Variants in ARHGAP24 observed in about 807,000 individuals in gnomAD.
ARHGAP24 encodes Rho GTPase activating protein 24, also known as rho GTPase-activating protein 24.
In ARHGAP24, 50 loss-of-function variants were observed where a neutral mutation model predicts 76.4. That is an observed-to-expected ratio of 0.65 (90% confidence interval 0.52 to 0.83). ARHGAP24 has a LOEUF of 0.83. Ranked by LOEUF, ARHGAP24 falls within the 40% of genes least tolerant of loss-of-function variation. The pLI is 0.00. For missense variants in ARHGAP24, 930 were observed against 914.2 expected (o/e 1.02, Z -0.22); for synonymous variants, 345 against 323.3 (o/e 1.07, Z -0.72).
chr4:85,781,187 T>A (rs2110084638), intron 3 of ARHGAP24, among the ~76,000 whole-genome samples: 1 of 152,370 alleles, frequency 6.6e-6, no homozygotes, highest in South Asian at 2.1e-4. Context: ...TTTTTCTGAT[T>A]TCTTGAATGG....
chr4:85,559,667 A>G (rs980306984), intron 1 of ARHGAP24, among the ~76,000 whole-genome samples: 2 of 152,248 alleles, frequency 1.3e-5, no homozygotes, highest in Non-Finnish European at 2.9e-5. Context: ...TGAGATGTTT[A>G]TAACATCATG....
At chr4:85,758,124 G>A (rs866761659) in intron 3 of ARHGAP24, among the ~76,000 whole-genome samples, 1 of 152,170 alleles carries the variant, frequency 6.6e-6, no homozygotes, top group Non-Finnish European at 1.5e-5. Context: ...AAATACAATG[G>A]CGTCAGTGAT....
chr4:85,709,722 A>G (rs1223378052), intron 2 of ARHGAP24, among the ~76,000 whole-genome samples: 1 of 152,172 alleles, frequency 6.6e-6, no homozygotes, highest in Non-Finnish European at 1.5e-5. Flanking sequence ...TAGCATTCCT[A>G]TATACCAACA....
intron 3 of ARHGAP24, among the ~76,000 whole-genome samples, chr4:85,768,342 T>C (rs1727005306): frequency 6.6e-6 from 1 of 152,140 alleles, no homozygotes; most frequent in Non-Finnish European, 1.5e-5. Flanking sequence ...TCAGTATATA[T>C]GAGCTCAAAG....
rs893224274 is a variant in ARHGAP24, at chr4:85,811,675, A to G, written c.268+89703A>G. On this transcript the variant is annotated intron_variant, in intron 3 of 9. Coordinates refer to ENST00000395184, the MANE Select transcript of ARHGAP24 (RefSeq NM_001025616.3). ...ATCCCAACTCAGAGTAATTATTTAT[A>G]GATTGGAGAAAGTCTTCACATATTT... 3.3e-5 allele frequency among the ~76,000 whole-genome samples: 5 copies of G among 152,254 alleles called. 1 individual carries two copies. The highest frequency in any genetic ancestry group is 2.0e-4 in the Admixed American group (3 of 15,288).
intron 1 of ARHGAP24, among the ~76,000 whole-genome samples, chr4:85,525,291 G>A (rs1372899949): frequency 1.1e-5 from 1 of 93,818 alleles, no homozygotes; most frequent in Non-Finnish European, 2.0e-5. Flanking sequence ...GCTCACATTT[G>A]TGGCTCCTTT....
chr4:85,742,962 C>T (rs1725879379), intron 3 of ARHGAP24, among the ~76,000 whole-genome samples: 1 of 152,036 alleles, frequency 6.6e-6, no homozygotes, highest in Admixed American at 6.6e-5. Flanking sequence ...ATGTTATAAA[C>T]TTTATGATTT....
intron 2 of ARHGAP24, among the ~76,000 whole-genome samples, chr4:85,608,669 TGCCTCA>T (rs1466327207): frequency 6.9e-6 from 1 of 144,882 alleles, no homozygotes; most frequent in African/African-American, 2.5e-5. Flanking sequence ...GCAATTCCCC[TGCCTCA>T]GCCTCCTGAG....
At chr4:85,601,943 A>G (rs1258342409) in intron 2 of ARHGAP24, among the ~76,000 whole-genome samples, 1 of 152,122 alleles carries the variant, frequency 6.6e-6, no homozygotes, top group Non-Finnish European at 1.5e-5. Context: ...GAAATTTCCT[A>G]GGAGGCAAAA....
chr4:85,894,099 T>TA (rs11394803), intron 3 of ARHGAP24, among the ~76,000 whole-genome samples: 37,063 of 131,008 alleles, frequency 0.28, 5,618 homozygotes, highest in East Asian at 0.61. Flanking sequence ...TAGAGTATAA[T>TA]AAAAAAAAAA....
chr4:85,859,299 G>A (rs1240433204), intron 3 of ARHGAP24, among the ~76,000 whole-genome samples: 1 of 151,786 alleles, frequency 6.6e-6, no homozygotes, highest in Non-Finnish European at 1.5e-5. Flanking sequence ...ATTCGCTACA[G>A]AATCAGTTTC....
chr4:85,729,153 C>G (rs1308193055), intron 3 of ARHGAP24, among the ~76,000 whole-genome samples: 2 of 152,024 alleles, frequency 1.3e-5, no homozygotes, highest in African/African-American at 4.8e-5. Context: ...AGTCTGTAGG[C>G]AGCCGTGAAG....
rs569942111 is a variant in ARHGAP24 at position 85,907,323 on chromosome 4, A to T, written c.269-16325A>T. The stretch of plus-strand genomic sequence containing the variant: ...TGTAGTCCATTTAATTTAAAATGTT[A>T]TATTTATTAAAATGTTCAAATATAT... On this transcript the variant is annotated intron_variant, in intron 3 of 9. Coordinates refer to ENST00000395184, the MANE Select transcript of ARHGAP24 (RefSeq NM_001025616.3). Among the ~76,000 whole-genome samples, 7 of 152,338 alleles carry T rather than the reference A, an allele frequency of 4.6e-5. No individual in the cohort carries two copies. The East Asian group carries it at 1.3e-3, about 29-fold the overall frequency.
At chr4:85,895,001 C>CAAAAAAAAAAAAAAAA (rs1222078793) in intron 3 of ARHGAP24, among the ~76,000 whole-genome samples, 10 of 54,342 alleles carry the variant, frequency 1.8e-4, no homozygotes, top group African/African-American at 1.7e-4. Flanking sequence ...AAACAAAAAG[C>CAAAAAAAAAAAAAAAA]AAAAAAAAAA....
chr4:85,523,035 C>T (rs1051564194), intron 1 of ARHGAP24, among the ~76,000 whole-genome samples: 2 of 152,214 alleles, frequency 1.3e-5, no homozygotes, highest in African/African-American at 4.8e-5. Flanking sequence ...GGCTAACACG[C>T]TCCCAGGTGG....
chr4:85,886,085 A>G (rs1360581087), intron 3 of ARHGAP24, among the ~76,000 whole-genome samples: 1 of 152,142 alleles, frequency 6.6e-6, no homozygotes, highest in East Asian at 1.9e-4. Context: ...AAGAGATTGT[A>G]TCCAGATTTA....
At position 85,916,635 on chromosome 4, in the gene ARHGAP24, G is replaced by C. The variant is rs1389029903; in HGVS notation, c.269-7013G>C. On this transcript the variant is annotated intron_variant, in intron 3 of 9. Coordinates refer to ENST00000395184, the MANE Select transcript of ARHGAP24 (RefSeq NM_001025616.3). ...GTAGTCTGTAATAAAATGGATAGTAGAACAGTCTAGTTTTCAACTGATTTG... is the reference window on the plus strand; with the variant it reads ...GTAGTCTGTAATAAAATGGATAGTACAACAGTCTAGTTTTCAACTGATTTG... Among the ~76,000 whole-genome samples, 7 of 152,218 alleles carry C rather than the reference G, an allele frequency of 4.6e-5. No individual in the cohort carries two copies. In the South Asian group the frequency reaches 8.3e-4, roughly 18 times the overall value.
At chr4:85,653,379 A>G (rs1722017726) in intron 2 of ARHGAP24, among the ~76,000 whole-genome samples, 1 of 152,228 alleles carries the variant, frequency 6.6e-6, no homozygotes, top group Non-Finnish European at 1.5e-5. Context: ...AAAGCGAACC[A>G]TGATGAAAAT....
intron 3 of ARHGAP24, among the ~76,000 whole-genome samples, chr4:85,728,592 CAGA>C (rs749893904): frequency 5.3e-5 from 8 of 152,250 alleles, no homozygotes; most frequent in Non-Finnish European, 1.2e-4. Flanking sequence ...TGCACATTTA[CAGA>C]AGAACTTTTC....
Sources: allele counts gnomAD v4.1 joint callset (sites outside exome capture counted in the v4.1 genomes callset), GRCh38; gene constraint gnomAD v4.1.1; transcripts MANE v1.5; gene names NCBI Gene and HGNC (gene_info 2026-07-23, HGNC 2026-07-21).